The following WDR64 variants were observed in gnomAD, a reference collection of about 807,000 sequenced individuals.
WDR64 encodes the protein WD repeat-containing protein 64.
A neutral mutation model predicts 139.3 loss-of-function variants in WDR64; 112 were observed. That is an observed-to-expected ratio of 0.80 (90% CI 0.69 to 0.94). WDR64 has a LOEUF of 0.94. WDR64 is among the 40% of genes least tolerant of loss of function. The probability of loss-of-function intolerance (pLI) is 0.00; values close to 1 mark genes in which losing one functional copy is unlikely to be tolerated. For synonymous variants in WDR64, 444 were observed against 437.7 expected (o/e 1.01, Z -0.18); for missense variants, 1,206 against 1,293.1 (o/e 0.93, Z 1.03).
intron 9 of WDR64, among the ~76,000 whole-genome samples, chr1:241,715,597 C>T (rs1668372969): frequency 6.6e-6 from 1 of 152,170 alleles, no homozygotes; most frequent in Non-Finnish European, 1.5e-5. Context: ...CTTCCTCTTT[C>T]AATGCAAACC....
chr1:241,713,986 A>C (rs1183207526), intron 9 of WDR64, among the ~76,000 whole-genome samples: 1 of 152,222 alleles, frequency 6.6e-6, no homozygotes, highest in Non-Finnish European at 1.5e-5. Flanking sequence ...GGGGAAGAAG[A>C]ACAAAAGAAA....
chr1:241,796,451 C>A (rs1290626792), intron 27 of WDR64, 81 bp downstream of exon 27: 2 of 919,706 alleles, frequency 2.2e-6, no homozygotes, highest in Non-Finnish European at 3.3e-6. Context: ...TATGTCTCTG[C>A]TTTCAGAAAC....
chr1:241,706,061 G>A (rs898680414), intron 8 of WDR64, among the ~76,000 whole-genome samples: 4 of 152,142 alleles, frequency 2.6e-5, no homozygotes, highest in African/African-American at 7.2e-5. Context: ...AATTTAGTAT[G>A]TTTTCATGGG....
At chr1:241,726,663 T>A (rs2148208420) in intron 10 of WDR64, among the ~76,000 whole-genome samples, 1 of 152,252 alleles carries the variant, frequency 6.6e-6, no homozygotes, top group South Asian at 2.1e-4. Flanking sequence ...AAATGAATAG[T>A]CATATGAAAA....
At chr1:241,748,405 GT>G (rs1229827788) in intron 13 of WDR64, among the ~76,000 whole-genome samples, 1 of 152,184 alleles carries the variant, frequency 6.6e-6, no homozygotes. Context: ...CCGCCTCCTG[GT>G]TTATAGATGG....
intron 21 of WDR64, among the ~76,000 whole-genome samples, chr1:241,777,578 C>T (rs996476348): frequency 1.5e-3 from 160 of 104,452 alleles, no homozygotes; most frequent in African/African-American, 6.0e-3. Flanking sequence ...ACACCACGGC[C>T]AGCTAATTTT....
At chr1:241,695,275 A>C (rs1320266259) in intron 8 of WDR64, among the ~76,000 whole-genome samples, 1 of 152,200 alleles carries the variant, frequency 6.6e-6, no homozygotes, top group Non-Finnish European at 1.5e-5. Flanking sequence ...TTTTTAAAAA[A>C]ATATCCTCAG....
chr1:241,669,297 G>A (rs901576518), intron 2 of WDR64, among the ~76,000 whole-genome samples: 2 of 152,102 alleles, frequency 1.3e-5, no homozygotes, highest in East Asian at 1.9e-4. Context: ...GCCATGAAGC[G>A]GTATTGTGGG....
At chr1:241,653,705 G>A (rs368181948) in intron 1 of WDR64, among the ~76,000 whole-genome samples, 3 of 151,524 alleles carry the variant, frequency 2.0e-5, no homozygotes, top group Non-Finnish European at 4.4e-5. Flanking sequence ...CACCACACCC[G>A]GCTAATTTTT....
intron 15 of WDR64, among the ~76,000 whole-genome samples, chr1:241,762,303 A>G (rs1238080814): frequency 7.1e-6 from 1 of 140,240 alleles, no homozygotes; most frequent in African/African-American, 3.1e-5. Flanking sequence ...TTTGAAAGGA[A>G]TCTTTTTTTT....
intron 20 of WDR64, among the ~76,000 whole-genome samples, chr1:241,774,761 GAAAT>G (rs754124972): frequency 6.6e-5 from 10 of 151,894 alleles, no homozygotes; most frequent in Non-Finnish European, 1.2e-4. Flanking sequence ...TTAAAAAAAA[GAAAT>G]AAAAAGAAAA....
rs1166446999 is a variant in WDR64 at position 241,801,265 on chromosome 1, T to G, written c.*50T>G. On this transcript the variant is annotated 3_prime_UTR_variant, in exon 28 of 28. Coordinates refer to ENST00000437684, the MANE Select transcript of WDR64 (RefSeq NM_001367482.1). The stretch of plus-strand genomic sequence containing the variant: ...TGCACATAAAATGGCAACGTTTGGA[T>G]GATACCTGCTCTTTATTTCAGGATG... The G allele has an allele frequency of 6.9e-7, 1 of 1,457,886 alleles. No individual in the cohort carries two copies. The highest frequency in any genetic ancestry group is 9.6e-7 in the Non-Finnish European group (1 of 1,039,606). The allele number at this position is 1,457,886 out of a possible 1,614,324, so 90.3% of individuals were successfully genotyped here. A position where few individuals can be genotyped will look rare whatever the true frequency, so the allele number is the denominator to read the frequency against.
chr1:241,715,750 G>T (rs1400833128), intron 9 of WDR64, among the ~76,000 whole-genome samples: 1 of 152,034 alleles, frequency 6.6e-6, no homozygotes, highest in Non-Finnish European at 1.5e-5. Context: ...ACACACAAAA[G>T]AATACAAAAT....
intron 9 of WDR64, among the ~76,000 whole-genome samples, chr1:241,714,473 G>T (rs141313181): frequency 6.6e-6 from 1 of 152,042 alleles, no homozygotes; most frequent in Admixed American, 6.6e-5. Context: ...CACAGCAGGC[G>T]GTTTGGTTTC....
chr1:241,701,066 G>A (rs932172576), intron 8 of WDR64, among the ~76,000 whole-genome samples: 4 of 152,220 alleles, frequency 2.6e-5, no homozygotes, highest in African/African-American at 9.6e-5. Flanking sequence ...GGTTTTAAAT[G>A]AGATAGTAAT....
At chr1:241,800,096 C>A (rs1659478349) in intron 27 of WDR64, among the ~76,000 whole-genome samples, 1 of 152,108 alleles carries the variant, frequency 6.6e-6, no homozygotes, top group Admixed American at 6.6e-5. Flanking sequence ...GCCTTTAAAA[C>A]AAGTGGAAAA....
rs1047478516 is a variant in WDR64 at position 241,693,625 on chromosome 1, T to C, written c.974+6030T>C. Among the ~76,000 whole-genome samples the C allele has an allele frequency of 2.6e-5, 4 of 152,080 alleles. No individual in the cohort carries two copies. In the East Asian group the frequency reaches 7.7e-4, roughly 29 times the overall value. On this transcript the variant is annotated intron_variant, in intron 8 of 27. Transcript: ENST00000437684. ...GGGATTTTGATTTCGGGAGAGACTG[T>C]GCATGTGTGGGGACAGGGAGTATGT... is the stretch of plus-strand genomic sequence containing the variant.
In WDR64 at chr1:241,703,811, C is replaced by T. The variant is rs547009187; in HGVS notation, c.975-7991C>T. On this transcript the variant is annotated intron_variant, in intron 8 of 27. Transcript: ENST00000437684. This position sits in a 1 kb window ranked among gnomAD's most constrained non-coding sequence, Gnocchi z 5.9. ...GGCTTCAGGAAACTTACAATCATGG[C>T]GGAAGGTGAAAGGGAAGCAAGGACC... Among the ~76,000 whole-genome samples the T allele has an allele frequency of 1.4e-4, 21 of 152,096 alleles. No individual in the cohort carries two copies. Among genetic ancestry groups the T allele is most frequent in the Admixed American group, 5.2e-4 (8 of 15,268 alleles).
intron 13 of WDR64, among the ~76,000 whole-genome samples, chr1:241,746,124 C>G (rs1669746774): frequency 2.0e-5 from 3 of 152,126 alleles, no homozygotes; most frequent in African/African-American, 7.2e-5. Context: ...AGTATTTAAT[C>G]AATGTTTAAT....
Sources: gnomAD v4.1 joint callset for allele counts (sites outside exome capture counted in the v4.1 genomes callset) on GRCh38, gnomAD v4.1.1 for gene constraint, Gnocchi (gnomAD v3.1) non-coding constraint, MANE v1.5 for transcripts, NCBI Gene and HGNC (gene_info 2026-07-23, HGNC 2026-07-21) for gene names.